The following JAML variants were observed in gnomAD, a reference collection of about 807,000 sequenced individuals.
JAML encodes the protein junction adhesion molecule like, also known as junctional adhesion molecule-like.
Under a neutral mutation model 39.3 loss-of-function variants are expected in JAML, and 25 were observed. The observed-to-expected ratio is 0.64, with a 90% CI of 0.46 to 0.89. The LOEUF (loss-of-function observed/expected upper bound fraction) is 0.89, where lower values mean the gene tolerates loss of function less well. Ranked by LOEUF, JAML falls within the 40% of genes least tolerant of loss-of-function variation. JAML has a pLI of 0.00. For missense variants in JAML, 440 were observed against 486.9 expected, an observed-to-expected ratio of 0.90 and a Z score of 0.91; for synonymous variants, 162 against 179.2, an observed-to-expected ratio of 0.90 and a Z score of 0.77.
chr11:118,210,482 C>G lies in JAML; in HGVS notation c.424+5G>C, dbSNP rs757931054. On this transcript the variant is annotated splice_donor_5th_base_variant and intron_variant, in intron 4 of 9. Transcript: ENST00000356289. ...TGGCCCCTCTTTAAGTAAGCATTTG[C>G]GTACCTTTGGGCTCCTCTGGAAGCA... 1.9e-6 allele frequency: 3 copies of G among 1,613,334 alleles called. No homozygotes were observed. Among genetic ancestry groups the G allele is most frequent in the Non-Finnish European group, 2.5e-6 (3 of 1,179,876 alleles).
intron 1 of JAML, among the ~76,000 whole-genome samples, chr11:118,218,245 C>T (rs917748533): frequency 6.6e-6 from 1 of 152,190 alleles, no homozygotes; most frequent in Non-Finnish European, 1.5e-5. Flanking sequence ...AGGCATGAGC[C>T]ACCATGCCTG....
intron 5 of JAML, chr11:118,205,012 C>A (rs1948888225): frequency 6.6e-6 from 1 of 152,106 alleles, no homozygotes; most frequent in African/African-American, 2.4e-5. Context: ...CCTATTTTCT[C>A]CTGTGAATCA....
chr11:118,224,225 A>T (rs551353983), intron 1 of JAML: 1 of 152,368 alleles, frequency 6.6e-6, no homozygotes, highest in East Asian at 1.9e-4. Flanking sequence ...CTCTACGCGA[A>T]TGGGACCCTG....
intron 1 of JAML, 103 bp from the exon 2 acceptor site, chr11:118,214,989 A>G: frequency 1.0e-6 from 1 of 977,958 alleles, no homozygotes; most frequent in Non-Finnish European, 1.6e-6. Flanking sequence ...TGTTTGAGAC[A>G]CTGGTATGCA....
At position 118,194,434 on chromosome 11, in the gene JAML, G is replaced by A. The variant is rs764481643; in HGVS notation, c.1093-17C>T. 1 of 1,601,240 alleles carries A rather than the reference G, an allele frequency of 6.2e-7. No individual in the cohort carries two copies. The highest frequency in any genetic ancestry group is 8.6e-7 in the Non-Finnish European group (1 of 1,168,376). ...AACTGGGTGCTGTGGGGGAAGGGCA[G>A]AAAGAAACAAAACATGCTTGTAAGA... On this transcript the variant is annotated splice_polypyrimidine_tract_variant and intron_variant, in intron 9 of 9. Transcript: ENST00000356289.
At chr11:118,200,366 T>C in intron 7 of JAML, 108 bp downstream of exon 7, 1 of 1,339,932 alleles carries the variant, frequency 7.5e-7, no homozygotes, top group Non-Finnish European at 1.0e-6. Flanking sequence ...AAATACCCCC[T>C]TCTGTGAGAA....
intron 5 of JAML, chr11:118,204,381 C>T (rs995438078): frequency 1.3e-5 from 2 of 152,616 alleles, no homozygotes; most frequent in Admixed American, 1.3e-4. Context: ...TGCTCAAAAC[C>T]CTTCATGGCC....
chr11:118,214,788 T>C, intron 2 of JAML, 36 bp downstream of exon 2: 1 of 1,607,630 alleles, frequency 6.2e-7, no homozygotes, highest in Non-Finnish European at 8.5e-7. Context: ...TCAGGAGAAA[T>C]CAAATACCCC....
chr11:118,210,568 T>C lies in JAML; in HGVS notation c.343A>G (p.Ile115Val). ...TCCCCTTTGAGGCGGATTTCACAGATATAGGTTCCCTGGTCAGCCTCTTGC... is the reference window on the plus strand; with the variant it reads ...TCCCCTTTGAGGCGGATTTCACAGACATAGGTTCCCTGGTCAGCCTCTTGC... ...DVQEADQGTY[I>V]CEIRLKGESQ... Residue 115 changes from isoleucine (I) to valine (V), a missense_variant, in exon 4 of 10, where the codon ATC becomes GTC. By Grantham distance (29) the Ile-to-Val change is conservative. Coordinates refer to ENST00000356289, the MANE Select transcript of JAML (RefSeq NM_001098526.2). The C allele has an allele frequency of 6.2e-7, 1 of 1,614,204 alleles. No individual in the cohort carries two copies. The highest frequency in any genetic ancestry group is 8.5e-7 in the Non-Finnish European group (1 of 1,180,020).
Position 118,212,546 on chromosome 11 carries a change from A to G in JAML, c.59T>C (p.Leu20Pro). ...AGGCGGGGAAACATTCAAGTCATTC[A>G]GGCCCAAGGAATAATCTATAGAAGT... The part of the protein sequence containing the change: ...LPVLLDYSLG[L>P]NDLNVSPPEL... Residue 20 changes from leucine (L) to proline (P), a missense_variant, in exon 3 of 10, where the codon CTG becomes CCG. By Grantham distance (98) the Leu-to-Pro change is moderately conservative. Transcript: ENST00000356289. 1.2e-6 allele frequency: 2 copies of G among 1,614,046 alleles called. No homozygotes were observed. Among genetic ancestry groups the G allele is most frequent in the Non-Finnish European group, 1.7e-6 (2 of 1,180,014 alleles).
At chr11:118,203,125 T>C (rs1948844130) in intron 6 of JAML, 3 of 542,120 alleles carry the variant, frequency 5.5e-6, no homozygotes, top group African/African-American at 3.7e-5. Flanking sequence ...AGCTTCTGTA[T>C]CTTTACATCA....
At chr11:118,217,427 A>C (rs1219798065) in intron 1 of JAML, among the ~76,000 whole-genome samples, 1 of 152,226 alleles carries the variant, frequency 6.6e-6, no homozygotes, top group Non-Finnish European at 1.5e-5. Flanking sequence ...GAAAACGCTC[A>C]TTGTCAGTCC....
chr11:118,206,617 C>A (rs1324308278), intron 4 of JAML, among the ~76,000 whole-genome samples: 1 of 152,122 alleles, frequency 6.6e-6, no homozygotes, highest in African/African-American at 2.4e-5. Flanking sequence ...GGACTCCTTG[C>A]TAATTAGGCC....
At chr11:118,211,985 G>T (rs758338587) in intron 3 of JAML, among the ~76,000 whole-genome samples, 83 of 149,718 alleles carry the variant, frequency 5.5e-4, no homozygotes, top group Admixed American at 1.8e-3. Flanking sequence ...GCCTAGGTCA[G>T]AGCTCTCCTT....
At chr11:118,199,633 A>G (rs1948732865) in intron 7 of JAML, among the ~76,000 whole-genome samples, 1 of 151,960 alleles carries the variant, frequency 6.6e-6, no homozygotes, top group Non-Finnish European at 1.5e-5. Flanking sequence ...GGCACTTCTG[A>G]GACCCTGGGA....
chr11:118,201,698 C>T (rs1473549258), intron 6 of JAML: 1 of 152,264 alleles, frequency 6.6e-6, no homozygotes, highest in African/African-American at 2.4e-5. Flanking sequence ...GGTTAGAGGC[C>T]TACAGTTCAA....
chr11:118,216,064 T>G (rs910241133), intron 1 of JAML, among the ~76,000 whole-genome samples: 2 of 152,122 alleles, frequency 1.3e-5, no homozygotes, highest in African/African-American at 4.8e-5. Flanking sequence ...ACGGTAGCCA[T>G]TTTAATTAAT....
At chr11:118,217,517 T>A (rs1715431) in intron 1 of JAML, among the ~76,000 whole-genome samples, 13,782 of 152,252 alleles carry the variant, frequency 0.091, 2,089 homozygotes, top group African/African-American at 0.31. Flanking sequence ...AAGTTTTTTT[T>A]AAATGCTCTT....
chr11:118,197,689 GT>G lies in JAML; in HGVS notation c.1005+308del, dbSNP rs1400211481. The G allele has an allele frequency of 2.1e-5, 6 of 284,504 alleles. No individual in the cohort carries two copies. The East Asian group carries it at 4.9e-4, about 23-fold the overall frequency. 17.6% of individuals were successfully genotyped at this position (284,504 alleles called of 1,614,324 possible). ...CTGTCAAGCAGGCTGGGCAACTATA[GT>G]ATCTTTATCTTTATCCTCATTTTGC... is the stretch of plus-strand genomic sequence containing the variant. On this transcript the variant is annotated intron_variant, in intron 8 of 9. Transcript: ENST00000356289.
Sources: gnomAD v4.1 joint callset for allele counts (sites outside exome capture counted in the v4.1 genomes callset) on GRCh38, gnomAD v4.1.1 for gene constraint, MANE v1.5 for transcripts, NCBI Gene and HGNC (gene_info 2026-07-23, HGNC 2026-07-21) for gene names.